Variants in PUDP observed in about 807,000 individuals in gnomAD.
The protein encoded by PUDP is pseudouridine-5'-phosphatase.
A neutral mutation model predicts 9.4 loss-of-function variants in PUDP; 8 were observed. The ratio of observed to expected loss-of-function variants is 0.85; its 90% confidence interval spans 0.50 to 1.53. The LOEUF (loss-of-function observed/expected upper bound fraction) is 1.53. Ranked by LOEUF, PUDP falls within the 40% of genes most tolerant of loss-of-function variation. The pLI is 0.00. For synonymous variants in PUDP, 99 were observed against 80.7 expected, an observed-to-expected ratio of 1.23 and a Z score of -1.22; for missense variants, 188 against 189.7, an observed-to-expected ratio of 0.99 and a Z score of 0.05.
intron 3 of PUDP, among the ~76,000 whole-genome samples, chrX:6,955,580 C>T (rs934305462): frequency 9.0e-6 from 1 of 110,981 alleles, no homozygotes; most frequent in Admixed American, 9.6e-5. Context: ...CTACTATATC[C>T]ATATTTTCAA....
At chrX:7,009,345 G>A (rs1207446196) in intron 1 of PUDP, among the ~76,000 whole-genome samples, 1 of 111,952 alleles carries the variant, frequency 8.9e-6, no homozygotes, top group East Asian at 2.8e-4. Flanking sequence ...GTGAAGGGTA[G>A]GCAGATACTT....
chrX:6,960,961 C>A (rs969333430), intron 3 of PUDP, among the ~76,000 whole-genome samples: 1 of 111,455 alleles, frequency 9.0e-6, no homozygotes, highest in African/African-American at 3.3e-5. Context: ...TGCAATGAAG[C>A]TTTTTTTTAC....
intron 3 of PUDP, among the ~76,000 whole-genome samples, chrX:6,958,208 T>C (rs745313256): frequency 3.4e-4 from 38 of 111,622 alleles, no homozygotes; most frequent in Non-Finnish European, 6.2e-4. Context: ...TAGCAACTTA[T>C]AACTTTTTAA....
At chrX:6,844,738 A>G (rs779614974) in intron 3 of PUDP, among the ~76,000 whole-genome samples, 109 of 112,408 alleles carry the variant, frequency 9.7e-4, no homozygotes, top group Middle Eastern at 4.6e-3. Context: ...AAGTCCCACA[A>G]TGATGCCATA....
At chrX:6,716,242 T>C (rs1389233539) in intron 1 of PUDP, among the ~76,000 whole-genome samples, 4 of 111,931 alleles carry the variant, frequency 3.6e-5, no homozygotes, top group Non-Finnish European at 5.6e-5. Flanking sequence ...TGGGCTGAAC[T>C]TACCCAGAAT....
intron 3 of PUDP, among the ~76,000 whole-genome samples, chrX:6,765,684 G>A (rs1925276252): frequency 9.0e-6 from 1 of 111,615 alleles, no homozygotes; most frequent in Non-Finnish European, 1.9e-5. Flanking sequence ...ATTTTATACA[G>A]AAAGATCATA....
chrX:6,957,218 G>A (rs926853152), intron 3 of PUDP, among the ~76,000 whole-genome samples: 1 of 110,734 alleles, frequency 9.0e-6, no homozygotes. Context: ...GGTCGGCTAT[G>A]GTTTGAATGT....
At chrX:6,916,949 G>A (rs1176386828) in intron 3 of PUDP, among the ~76,000 whole-genome samples, 2 of 112,046 alleles carry the variant, frequency 1.8e-5, no homozygotes, top group African/African-American at 6.5e-5. Context: ...CTATGCAGAT[G>A]TTCCTGTATT....
At chrX:6,751,975 G>A (rs1231245384) in intron 3 of PUDP, among the ~76,000 whole-genome samples, 11 of 110,538 alleles carry the variant, frequency 1.0e-4, no homozygotes, top group Non-Finnish European at 1.3e-4. Context: ...CAGGAGTCCC[G>A]GTGGGATAAT....
intron 3 of PUDP, among the ~76,000 whole-genome samples, chrX:6,740,573 GTCAGTATTGTAA>G (rs1924923037): frequency 9.0e-6 from 1 of 111,155 alleles, no homozygotes; most frequent in Admixed American, 9.6e-5. Context: ...TTGCGTGCCT[GTCAGTATTGTAA>G]TCACTTTTTC....
intron 3 of PUDP, among the ~76,000 whole-genome samples, chrX:6,893,635 T>A (rs919178065): frequency 8.9e-6 from 1 of 111,989 alleles, no homozygotes; most frequent in Non-Finnish European, 1.9e-5. Context: ...AGGATGAAAA[T>A]TCCTATTGGT....
chrX:7,083,870 G>A (rs746973123), intron 2 of PUDP, among the ~76,000 whole-genome samples: 1 of 104,073 alleles, frequency 9.6e-6, no homozygotes, highest in Non-Finnish European at 2.0e-5. Flanking sequence ...CACTGCACTC[G>A]ACAGAGAAAG....
chrX:6,817,705 T>G (rs926891210), intron 3 of PUDP, among the ~76,000 whole-genome samples: 1 of 111,438 alleles, frequency 9.0e-6, no homozygotes, highest in Non-Finnish European at 1.9e-5. Flanking sequence ...GGCTCTGTTT[T>G]CTTTTCTCCG....
intron 3 of PUDP, among the ~76,000 whole-genome samples, chrX:6,883,435 T>C (rs1430063340): frequency 9.7e-6 from 1 of 102,836 alleles, no homozygotes; most frequent in African/African-American, 3.7e-5. Context: ...GACAAGAGAA[T>C]CACTTGAAGC....
chrX:6,752,826 G>A (rs1469069739), intron 3 of PUDP, among the ~76,000 whole-genome samples: 1 of 111,353 alleles, frequency 9.0e-6, no homozygotes, highest in Admixed American at 9.5e-5. Context: ...TCATATGGTT[G>A]GTCACCTAAT....
intron 1 of PUDP, among the ~76,000 whole-genome samples, chrX:7,116,473 C>A (rs1932196195): frequency 9.0e-6 from 1 of 111,370 alleles, no homozygotes; most frequent in Non-Finnish European, 1.9e-5. Context: ...GTTAGCAAAC[C>A]CCTAGCATGT....
At chrX:6,721,182 T>G (rs1924669370) in intron 1 of PUDP, among the ~76,000 whole-genome samples, 1 of 112,108 alleles carries the variant, frequency 8.9e-6, no homozygotes, top group Non-Finnish European at 1.9e-5. Flanking sequence ...AAATTTAACA[T>G]GATTTAATGA....
At chrX:6,988,004 C>T (rs940294556) in intron 1 of PUDP, among the ~76,000 whole-genome samples, 16 of 111,823 alleles carry the variant, frequency 1.4e-4, no homozygotes, top group Non-Finnish European at 3.0e-4. Flanking sequence ...CACCAACATT[C>T]TGATTTCAAA....
rs1929859862 is a variant in PUDP at position 7,036,863 on chromosome X, G to A, written c.204+40357C>T. Among the ~76,000 whole-genome samples, 3 of 111,768 alleles carry A rather than the reference G, an allele frequency of 2.7e-5. No individual in the cohort carries two copies. The South Asian group carries it at 1.1e-3, about 42-fold the overall frequency. Reference sequence around the variant, plus strand: ...ACTTTTCATTCCCGTCTAACCTAATGTATTATCAGTTCTTCCTTAAAGCCT... The same window carrying A: ...ACTTTTCATTCCCGTCTAACCTAATATATTATCAGTTCTTCCTTAAAGCCT... On this transcript the variant is annotated intron_variant and NMD_transcript_variant, in intron 1 of 3. Coordinates refer to the PUDP transcript ENST00000655425.
Sources: gnomAD v4.1 joint callset for allele counts (sites outside exome capture counted in the v4.1 genomes callset) on GRCh38, gnomAD v4.1.1 for gene constraint, MANE v1.5 for transcripts, NCBI Gene and HGNC (gene_info 2026-07-23, HGNC 2026-07-21) for gene names.